The following DDAH1 variants were observed in gnomAD, a reference collection of about 807,000 sequenced individuals.
DDAH1 encodes the protein dimethylarginine dimethylaminohydrolase 1, also known as N(G),N(G)-dimethylarginine dimethylaminohydrolase 1.
In DDAH1, 19 loss-of-function variants were observed where a neutral mutation model predicts 28.8. The ratio of observed to expected loss-of-function variants is 0.66; its 90% CI spans 0.46 to 0.97. The LOEUF (loss-of-function observed/expected upper bound fraction) is 0.97, where lower values mean the gene tolerates loss of function less well. Among genes scored for constraint, DDAH1 ranks in the 50% least tolerant of loss-of-function variants. DDAH1 has a pLI of 0.00. For missense variants in DDAH1, 326 were observed against 375.9 expected, an observed-to-expected ratio of 0.87 and a Z score of 1.10; for synonymous variants, 153 against 154.4, an observed-to-expected ratio of 0.99 and a Z score of 0.07.
Position 85,556,818 on chromosome 1 carries a change from T to A in DDAH1, c.-123+21166A>T, listed in dbSNP as rs564179113. ...AAAAGTATTTCTATACAGAATTTTT[T>A]AAAGTAGAATAAAAGTGGCTGGGCA... On this transcript the variant is annotated intron_variant, in intron 1 of 6. Transcript: ENST00000426972. 2.2e-3 allele frequency among the ~76,000 whole-genome samples: 332 copies of A among 152,306 alleles called. 3 individuals carry two copies. Among genetic ancestry groups the A allele is most frequent in the African/African-American group, 7.7e-3 (320 of 41,562 alleles).
chr1:85,327,963 C>T (rs548386691), intron 4 of DDAH1, among the ~76,000 whole-genome samples: 64 of 152,310 alleles, frequency 4.2e-4, no homozygotes, highest in Non-Finnish European at 8.1e-4. Flanking sequence ...TTTTTAAACG[C>T]TACAGAGAAC....
At chr1:85,423,566 T>TTTTTAAA (rs1653250842) in intron 1 of DDAH1, among the ~76,000 whole-genome samples, 1 of 152,110 alleles carries the variant, frequency 6.6e-6, no homozygotes, top group South Asian at 2.1e-4. Flanking sequence ...AAATGTATTG[T>TTTTTAAA]TTTTAAATTT....
intron 1 of DDAH1, among the ~76,000 whole-genome samples, chr1:85,423,635 A>C (rs1321094790): frequency 6.6e-6 from 1 of 152,120 alleles, no homozygotes; most frequent in Non-Finnish European, 1.5e-5. Flanking sequence ...GTATATTAAC[A>C]TTGTGCCCTG....
intron 2 of DDAH1, among the ~76,000 whole-genome samples, chr1:85,356,147 T>G (rs901533334): frequency 2.0e-5 from 3 of 152,252 alleles, no homozygotes; most frequent in Non-Finnish European, 4.4e-5. Flanking sequence ...TTCATTTTAT[T>G]ATTGATCTTT....
chr1:85,539,381 A>G (rs1157456336), intron 1 of DDAH1, among the ~76,000 whole-genome samples: 1 of 152,216 alleles, frequency 6.6e-6, no homozygotes, highest in African/African-American at 2.4e-5. Flanking sequence ...TCCTGAGCTC[A>G]GGTGATCCGC....
chr1:85,478,329 G>A (rs138776007), intron 2 of DDAH1, among the ~76,000 whole-genome samples: 1 of 152,202 alleles, frequency 6.6e-6, no homozygotes, highest in Non-Finnish European at 1.5e-5. Context: ...GGAATTATCT[G>A]TATTAGTCTG....
At chr1:85,390,862 T>C (rs889500090) in intron 1 of DDAH1, among the ~76,000 whole-genome samples, 2 of 152,162 alleles carry the variant, frequency 1.3e-5, no homozygotes, top group African/African-American at 4.8e-5. Flanking sequence ...TATCAAATCT[T>C]ACTACAGATA....
chr1:85,473,053 T>C (rs7540169), intron 2 of DDAH1, among the ~76,000 whole-genome samples: 10,887 of 152,278 alleles, frequency 0.071, 549 homozygotes, highest in Non-Finnish European at 0.11. Flanking sequence ...AAGGAAATGA[T>C]TGCATTATTT....
At chr1:85,448,774 A>T (rs901796222) in intron 1 of DDAH1, among the ~76,000 whole-genome samples, 2 of 152,236 alleles carry the variant, frequency 1.3e-5, no homozygotes, top group African/African-American at 4.8e-5. Context: ...CAGTTTTGAC[A>T]ATTGAGAAAA....
chr1:85,404,504 A>C, intron 1 of DDAH1: 1 of 1,471,478 alleles, frequency 6.8e-7, no homozygotes, highest in Admixed American at 2.3e-5. Flanking sequence ...TCTGACCCGG[A>C]TTGAGCCATG....
chr1:85,381,331 G>A (rs1374101532), intron 1 of DDAH1, among the ~76,000 whole-genome samples: 1 of 106,514 alleles, frequency 9.4e-6, no homozygotes, highest in Non-Finnish European at 1.8e-5. Flanking sequence ...TCATTACAAT[G>A]TTTTCAGCCT....
intron 1 of DDAH1, among the ~76,000 whole-genome samples, chr1:85,405,852 G>A (rs924420699): frequency 1.3e-5 from 2 of 152,158 alleles, no homozygotes; most frequent in Non-Finnish European, 2.9e-5. Context: ...CTCATGTAAT[G>A]AATGCTCTCA....
intron 1 of DDAH1, among the ~76,000 whole-genome samples, chr1:85,410,783 TTTGA>T (rs1175724438): frequency 6.6e-6 from 1 of 152,264 alleles, no homozygotes; most frequent in Non-Finnish European, 1.5e-5. Flanking sequence ...CTAAGAATAC[TTTGA>T]TTCTCAATTT....
intron 1 of DDAH1, among the ~76,000 whole-genome samples, chr1:85,444,761 G>A (rs1471306185): frequency 6.6e-6 from 1 of 152,238 alleles, no homozygotes; most frequent in Non-Finnish European, 1.5e-5. Context: ...TCATAGATGT[G>A]TGAGTAACCA....
chr1:85,433,470 GCA>G (rs1653798126), intron 1 of DDAH1, among the ~76,000 whole-genome samples: 1 of 152,098 alleles, frequency 6.6e-6, no homozygotes, highest in Admixed American at 6.6e-5. Flanking sequence ...CGTACAAGCG[GCA>G]CACAGTCTGG....
intron 1 of DDAH1, among the ~76,000 whole-genome samples, chr1:85,443,736 TG>T (rs548069900): frequency 6.6e-6 from 1 of 152,304 alleles, no homozygotes; most frequent in South Asian, 2.1e-4. Flanking sequence ...TCACATCCCT[TG>T]TAAGTTGGAT....
At chr1:85,424,352 T>TTTAAG (rs1557612875) in intron 1 of DDAH1, among the ~76,000 whole-genome samples, 1 of 152,082 alleles carries the variant, frequency 6.6e-6, no homozygotes, top group Non-Finnish European at 1.5e-5. Context: ...TTCTTCTCTT[T>TTTAAG]TTAAGTTATT....
At chr1:85,490,257 T>G (rs1305195445) in intron 2 of DDAH1, among the ~76,000 whole-genome samples, 2 of 152,148 alleles carry the variant, frequency 1.3e-5, no homozygotes, top group Non-Finnish European at 2.9e-5. Flanking sequence ...GATTCATGAC[T>G]AAAAGACCTG....
chr1:85,332,742 ATGC>A (rs1255241602), intron 4 of DDAH1, among the ~76,000 whole-genome samples: 6 of 152,182 alleles, frequency 3.9e-5, no homozygotes, highest in Admixed American at 3.9e-4. Flanking sequence ...AAACCCAAGC[ATGC>A]TGTCTGGAGG....
Sources: gnomAD v4.1 joint callset for allele counts (sites outside exome capture counted in the v4.1 genomes callset) on GRCh38, gnomAD v4.1.1 for gene constraint, MANE v1.5 for transcripts, NCBI Gene and HGNC (gene_info 2026-07-23, HGNC 2026-07-21) for gene names.